HS3ST4: variants seen among roughly 807,000 people sequenced by gnomAD.
The protein encoded by HS3ST4 is heparan sulfate glucosamine 3-O-sulfotransferase 4.
In HS3ST4, 17 loss-of-function variants were observed where a neutral mutation model predicts 29.2. That is an observed-to-expected ratio of 0.58 (90% CI 0.40 to 0.87). The LOEUF (loss-of-function observed/expected upper bound fraction) is 0.87. Ranked by LOEUF, HS3ST4 falls within the 40% of genes least tolerant of loss-of-function variation. HS3ST4 has a pLI of 0.00. For missense variants in HS3ST4, 627 were observed against 634.5 expected (o/e 0.99, Z 0.13); for synonymous variants, 314 against 285.7 (o/e 1.10, Z -1.00).
intron 1 of HS3ST4, among the ~76,000 whole-genome samples, chr16:25,819,121 T>C (rs1217413742): frequency 6.6e-6 from 1 of 152,172 alleles, no homozygotes; most frequent in Non-Finnish European, 1.5e-5. Context: ...ATTCTCTTCC[T>C]AGGAAGATTA....
intron 1 of HS3ST4, among the ~76,000 whole-genome samples, chr16:26,133,120 G>C (rs1000538338): frequency 5.3e-5 from 8 of 151,892 alleles, no homozygotes; most frequent in African/African-American, 1.9e-4. Context: ...TTTCCATTTG[G>C]TCAAATGAAG....
At chr16:25,788,690 A>G (rs1030104635) in intron 1 of HS3ST4, among the ~76,000 whole-genome samples, 1 of 150,874 alleles carries the variant, frequency 6.6e-6, no homozygotes, top group African/African-American at 2.4e-5. Context: ...ATAGGCATGC[A>G]CCACCACACT....
chr16:26,122,595 AAG>A (rs1246713829), intron 1 of HS3ST4, among the ~76,000 whole-genome samples: 3 of 152,202 alleles, frequency 2.0e-5, no homozygotes, highest in Admixed American at 2.0e-4. Context: ...GGTAAGGAGA[AAG>A]AGATTTCTAA....
chr16:25,924,319 A>G (rs1443844284), intron 1 of HS3ST4, among the ~76,000 whole-genome samples: 3 of 152,148 alleles, frequency 2.0e-5, no homozygotes, highest in African/African-American at 7.2e-5. Context: ...CTAGCTAAAA[A>G]ATAATAGCCC....
intron 1 of HS3ST4, among the ~76,000 whole-genome samples, chr16:25,906,875 C>G (rs1289641657): frequency 6.6e-6 from 1 of 152,118 alleles, no homozygotes; most frequent in Non-Finnish European, 1.5e-5. Context: ...AATAGAGAGA[C>G]AGGATAAGAT....
intron 1 of HS3ST4, among the ~76,000 whole-genome samples, chr16:25,999,218 A>G (rs1278242230): frequency 6.6e-6 from 1 of 152,120 alleles, no homozygotes. Flanking sequence ...ACTAATTCTA[A>G]AGGACACCAT....
intron 1 of HS3ST4, among the ~76,000 whole-genome samples, chr16:25,815,813 C>T (rs1967087928): frequency 6.6e-6 from 1 of 152,112 alleles, no homozygotes; most frequent in Non-Finnish European, 1.5e-5. Flanking sequence ...CCTGGTAACT[C>T]CTACCCTCAA....
intron 1 of HS3ST4, among the ~76,000 whole-genome samples, chr16:25,747,859 C>T (rs141699246): frequency 6.6e-6 from 1 of 152,276 alleles, no homozygotes; most frequent in African/African-American, 2.4e-5. Context: ...CTTTTCCTAG[C>T]TCACCCCCTC....
chr16:25,799,892 C>T (rs1303294837), intron 1 of HS3ST4, among the ~76,000 whole-genome samples: 1 of 152,012 alleles, frequency 6.6e-6, no homozygotes, highest in African/African-American at 2.4e-5. Context: ...GTTGGTCAGG[C>T]TAGAGTGCAT....
chr16:25,867,577 C>T (rs28459714), intron 1 of HS3ST4, among the ~76,000 whole-genome samples: 1,675 of 152,154 alleles, frequency 0.011, 25 homozygotes, highest in African/African-American at 0.038. Flanking sequence ...GTCACACACA[C>T]GCACGCACAC....
Position 25,926,486 on chromosome 16 carries a change from A to G in HS3ST4, c.735-209126A>G, listed in dbSNP as rs538450198. On this transcript the variant is annotated intron_variant, in intron 1 of 1. Transcript: ENST00000331351. Reference sequence around the variant, plus strand: ...AGTCTGTGTATGACTGGGCACACACATGAGTTAAATTCACTTGATCTAGAA... The same window carrying G: ...AGTCTGTGTATGACTGGGCACACACGTGAGTTAAATTCACTTGATCTAGAA... Among the ~76,000 whole-genome samples the G allele has an allele frequency of 1.8e-3, 281 of 152,368 alleles. 1 individual carries two copies. The highest frequency in any genetic ancestry group is 6.8e-3 in the Middle Eastern group (2 of 294).
chr16:25,958,571 T>G (rs1968760148), intron 1 of HS3ST4, among the ~76,000 whole-genome samples: 1 of 152,202 alleles, frequency 6.6e-6, no homozygotes, highest in South Asian at 2.1e-4. Context: ...CCTCAGGTGA[T>G]CCACCTTCCT....
In HS3ST4 at chr16:26,137,639, T is replaced by C. The variant is rs1285024260; in HGVS notation, c.*1391T>C. On this transcript the variant is annotated 3_prime_UTR_variant, in exon 2 of 2. Coordinates refer to ENST00000331351, the MANE Select transcript of HS3ST4 (RefSeq NM_006040.3). ...TCAGCTGTTATTAAACTGTCATTTC[T>C]CCCGCTAAATGAAAACCGTGTTGTT... 1 of 151,662 alleles carries C rather than the reference T, an allele frequency of 6.6e-6. No homozygotes were observed. Among genetic ancestry groups the C allele is most frequent in the African/African-American group, 2.4e-5 (1 of 41,224 alleles). The allele number at this position is 151,662 out of a possible 1,614,324, so 9.4% of individuals were successfully genotyped here. A position where few individuals can be genotyped will look rare whatever the true frequency, so the allele number is the denominator to read the frequency against.
rs751259036 is a variant in HS3ST4, at chr16:25,749,567, GGAAGAA to G, written c.734+56427_734+56432del. 2.6e-5 allele frequency among the ~76,000 whole-genome samples: 4 copies of G among 151,952 alleles called. No homozygotes were observed. The South Asian group carries it at 8.3e-4, about 32-fold the overall frequency. On this transcript the variant is annotated intron_variant, in intron 1 of 1. Transcript: ENST00000331351. ...AGGAAGAAGAAGAGGGAGAGGAAGA[GGAAGAA>G]GAAGAAGAAGGAGAAGCTGGAACAA...
chr16:25,721,027 A>T (rs1966489276), intron 1 of HS3ST4, among the ~76,000 whole-genome samples: 1 of 152,204 alleles, frequency 6.6e-6, no homozygotes, highest in South Asian at 2.1e-4. Context: ...AAAGAAGGGG[A>T]TGCCTGTTAG....
intron 1 of HS3ST4, among the ~76,000 whole-genome samples, chr16:25,721,581 C>T (rs1366362976): frequency 1.3e-5 from 2 of 152,138 alleles, no homozygotes; most frequent in Non-Finnish European, 2.9e-5. Context: ...CCCAGTTGAC[C>T]ATCACACTGA....
intron 1 of HS3ST4, among the ~76,000 whole-genome samples, chr16:25,918,934 T>G (rs967379793): frequency 6.6e-6 from 1 of 152,348 alleles, no homozygotes; most frequent in African/African-American, 2.4e-5. Flanking sequence ...TATGACAGAC[T>G]GTCACCCTGT....
At chr16:26,048,228 A>G (rs534937210) in intron 1 of HS3ST4, among the ~76,000 whole-genome samples, 5 of 152,334 alleles carry the variant, frequency 3.3e-5, no homozygotes, top group East Asian at 3.9e-4. Flanking sequence ...TAAAGGCCCT[A>G]TCTCCAAATA....
chr16:25,764,743 G>A (rs567111297), intron 1 of HS3ST4, among the ~76,000 whole-genome samples: 2 of 152,348 alleles, frequency 1.3e-5, no homozygotes, highest in South Asian at 4.1e-4. Context: ...GTAACCATGA[G>A]TGGTGAATGC....
Sources: gnomAD v4.1 joint callset for allele counts (sites outside exome capture counted in the v4.1 genomes callset) on GRCh38, gnomAD v4.1.1 for gene constraint, MANE v1.5 for transcripts, NCBI Gene and HGNC (gene_info 2026-07-23, HGNC 2026-07-21) for gene names.